The following EDARADD variants were observed in gnomAD, a reference collection of about 807,000 sequenced individuals.
EDARADD encodes the protein ectodysplasin-A receptor-associated adapter protein.
Under a neutral mutation model 25.6 loss-of-function variants are expected in EDARADD, and 20 were observed. The ratio of observed to expected loss-of-function variants is 0.78; its 90% CI spans 0.55 to 1.14. The LOEUF is 1.14. Among genes scored for constraint, EDARADD ranks in the 50% most tolerant of loss-of-function variants. EDARADD has a pLI of 0.00. For synonymous variants in EDARADD, 86 were observed against 94.4 expected (o/e 0.91, Z 0.52); for missense variants, 225 against 270.1 (o/e 0.83, Z 1.17).
At chr1:236,353,355 G>A (rs1666939108) in intron 3 of EDARADD, among the ~76,000 whole-genome samples, 1 of 152,150 alleles carries the variant, frequency 6.6e-6, no homozygotes, top group African/African-American at 2.4e-5. Flanking sequence ...CACTGTGCAT[G>A]AGGTGACTGC....
chr1:236,375,763 T>G (rs1667217542), intron 3 of EDARADD, among the ~76,000 whole-genome samples: 1 of 151,886 alleles, frequency 6.6e-6, no homozygotes, highest in African/African-American at 2.4e-5. Flanking sequence ...GTTGCATGCC[T>G]GTAGTCCCAG....
At chr1:236,363,395 A>G (rs915212414) in intron 3 of EDARADD, among the ~76,000 whole-genome samples, 6 of 151,208 alleles carry the variant, frequency 4.0e-5, no homozygotes, top group Non-Finnish European at 5.9e-5. Flanking sequence ...TTCTTCTGAG[A>G]TCTGGTTGTT....
At chr1:236,378,709 C>T (rs1667255859) in intron 3 of EDARADD, among the ~76,000 whole-genome samples, 1 of 152,142 alleles carries the variant, frequency 6.6e-6, no homozygotes, top group Admixed American at 6.5e-5. Context: ...TTGCAATCTT[C>T]ATTAATGCAG....
intron 4 of EDARADD, among the ~76,000 whole-genome samples, chr1:236,453,003 C>A (rs1221635508): frequency 3.3e-5 from 5 of 152,118 alleles, no homozygotes; most frequent in Non-Finnish European, 4.4e-5. Context: ...GAGTACTTGC[C>A]CCCCACTCCC....
intron 3 of EDARADD, among the ~76,000 whole-genome samples, chr1:236,378,936 T>C (rs902232813): frequency 2.0e-4 from 30 of 152,260 alleles, no homozygotes; most frequent in African/African-American, 6.3e-4. Flanking sequence ...GTGTTTGTAA[T>C]TGATTAGATC....
chr1:236,442,533 G>C (rs648236), intron 4 of EDARADD, among the ~76,000 whole-genome samples: 111,869 of 152,090 alleles, frequency 0.74, 43,254 homozygotes, highest in Non-Finnish European at 0.87. Context: ...AAGGGTTAAT[G>C]CAGCCGATGA....
At chr1:236,391,787 C>T (rs1667429115), upstream of EDARADD, among the ~76,000 whole-genome samples, 1 of 152,252 alleles carries the variant, frequency 6.6e-6, no homozygotes, top group Middle Eastern at 3.4e-3. Flanking sequence ...TAAAACAGCA[C>T]ATTTCTGATC....
Position 236,483,533 on chromosome 1 carries a change from T to G in EDARADD, c.*884T>G. 1.8e-6 allele frequency: 2 copies of G among 1,088,450 alleles called. No homozygotes were observed. Among genetic ancestry groups the G allele is most frequent in the Non-Finnish European group, 1.4e-6 (1 of 703,132 alleles). The allele number at this position is 1,088,450 out of a possible 1,614,324, so 67.4% of individuals were successfully genotyped here. ...CCCTCGCTGCCTGCAAAGCTAGTGC[T>G]GTTGAGAAGGGGGTTCCCCTGTACC... On this transcript the variant is annotated 3_prime_UTR_variant, in exon 6 of 6. Transcript: ENST00000334232.
intron 1 of EDARADD, among the ~76,000 whole-genome samples, chr1:236,405,408 C>T (rs1471840407): frequency 1.3e-5 from 2 of 152,156 alleles, no homozygotes; most frequent in African/African-American, 2.4e-5. Context: ...TTGAAATTCA[C>T]CCACCCAGGT....
intron 3 of EDARADD, among the ~76,000 whole-genome samples, chr1:236,381,440 C>T (rs564094635): frequency 4.6e-5 from 7 of 151,808 alleles, no homozygotes; most frequent in African/African-American, 7.2e-5. Flanking sequence ...TTTACTTTAG[C>T]GTTTATCATA....
At chr1:236,416,283 G>T (rs1369360346) in intron 3 of EDARADD, among the ~76,000 whole-genome samples, 1 of 152,192 alleles carries the variant, frequency 6.6e-6, no homozygotes, top group African/African-American at 2.4e-5. Flanking sequence ...AGACAGGGGT[G>T]CAGGGAAATC....
At chr1:236,442,498 T>C (rs972240737) in intron 4 of EDARADD, among the ~76,000 whole-genome samples, 20 of 152,210 alleles carry the variant, frequency 1.3e-4, no homozygotes, top group African/African-American at 4.8e-4. Context: ...ATTCAAACTT[T>C]ACAGGACAGG....
chr1:236,470,121 C>G (rs2103036554), intron 5 of EDARADD, among the ~76,000 whole-genome samples: 1 of 152,248 alleles, frequency 6.6e-6, no homozygotes, highest in African/African-American at 2.4e-5. Context: ...TTCCACTATC[C>G]TATATTTCTA....
rs61333307 is a variant in EDARADD, at chr1:236,445,234, C to CTTTTTT, written c.219+17790_219+17795dup. 1.2e-4 allele frequency among the ~76,000 whole-genome samples: 11 copies of CTTTTTT among 89,720 alleles called. 1 individual carries two copies. The highest frequency in any genetic ancestry group is 2.5e-4 in the African/African-American group (7 of 28,334). The allele number at this position is 89,720 out of a possible 152,430, so 58.9% of individuals were successfully genotyped here. A position where few individuals can be genotyped will look rare whatever the true frequency, so the allele number is the denominator to read the frequency against. On this transcript the variant is annotated intron_variant, in intron 4 of 5. Transcript: ENST00000334232. ...TGCATTAGCTGGGACATAATAAATT[C>CTTTTTT]TTTTTTTTTTTGAGACAGAGTCTTG...
intron 4 of EDARADD, among the ~76,000 whole-genome samples, chr1:236,431,927 CAAAAAAA>C (rs1170622280): frequency 0.045 from 808 of 17,974 alleles, 42 homozygotes; most frequent in African/African-American, 0.071. Context: ...GACTCCGTCT[CAAAAAAA>C]AAAAAAAAAA....
At chr1:236,355,469 C>CCCATCCA (rs1005957493) in intron 3 of EDARADD, among the ~76,000 whole-genome samples, 1 of 149,680 alleles carries the variant, frequency 6.7e-6, no homozygotes, top group African/African-American at 2.5e-5. Flanking sequence ...TCTTACATTT[C>CCCATCCA]CCATCCACTC....
intron 3 of EDARADD, among the ~76,000 whole-genome samples, chr1:236,381,920 C>T (rs1033218924): frequency 2.1e-5 from 3 of 142,926 alleles, no homozygotes; most frequent in Non-Finnish European, 4.5e-5. Context: ...ACTGGGACTA[C>T]AGGCACATGC....
chr1:236,454,950 G>A (rs547438395), intron 4 of EDARADD, among the ~76,000 whole-genome samples: 3 of 152,182 alleles, frequency 2.0e-5, no homozygotes, highest in South Asian at 2.1e-4. Context: ...GGTGGCTCAC[G>A]CCTGTAATCC....
intron 3 of EDARADD, among the ~76,000 whole-genome samples, chr1:236,356,274 G>A (rs1333354763): frequency 6.6e-6 from 1 of 152,200 alleles, no homozygotes; most frequent in Non-Finnish European, 1.5e-5. Flanking sequence ...GGGAGGAAGG[G>A]AGGAGATGAA....
Sources: gnomAD v4.1 joint callset for allele counts (sites outside exome capture counted in the v4.1 genomes callset) on GRCh38, gnomAD v4.1.1 for gene constraint, MANE v1.5 for transcripts, NCBI Gene and HGNC (gene_info 2026-07-23, HGNC 2026-07-21) for gene names.